The following PCDH7 variants were observed in gnomAD, a reference collection of about 807,000 sequenced individuals.
The protein encoded by PCDH7 is protocadherin-7.
A neutral mutation model predicts 58.9 loss-of-function variants in PCDH7; 17 were observed. That is an observed-to-expected ratio of 0.29 (90% confidence interval 0.20 to 0.43). The LOEUF (loss-of-function observed/expected upper bound fraction) is 0.43, where lower values mean the gene tolerates loss of function less well. Ranked by LOEUF, PCDH7 falls within the 20% of genes least tolerant of loss-of-function variation. The pLI is 1.00. For missense variants in PCDH7, 1,274 were observed against 1,441.0 expected (o/e 0.88, Z 1.88); for synonymous variants, 664 against 616.4 (o/e 1.08, Z -1.14).
chr4:30,844,810 AC>A (rs1306519554), intron 1 of PCDH7, among the ~76,000 whole-genome samples: 1 of 152,096 alleles, frequency 6.6e-6, no homozygotes, highest in African/African-American at 2.4e-5. Context: ...CTAAGGTTTA[AC>A]CCTTCTAATT....
At chr4:31,099,916 C>T (rs1328620868) in intron 3 of PCDH7, among the ~76,000 whole-genome samples, 2 of 146,660 alleles carry the variant, frequency 1.4e-5, no homozygotes, top group Non-Finnish European at 3.0e-5. Flanking sequence ...GTGATCTTTA[C>T]ATTAAAAGCA....
chr4:31,022,400 C>T (rs959263207), intron 3 of PCDH7, among the ~76,000 whole-genome samples: 2 of 152,076 alleles, frequency 1.3e-5, no homozygotes, highest in African/African-American at 2.4e-5. Flanking sequence ...TTTTATTGTA[C>T]ATAATTTTGC....
intron 3 of PCDH7, among the ~76,000 whole-genome samples, chr4:31,140,594 C>A (rs1578903989): frequency 2.2e-5 from 3 of 136,804 alleles, no homozygotes; most frequent in Non-Finnish European, 3.1e-5. Flanking sequence ...CTGTTCAAAG[C>A]ATTTAGGTCA....
At position 31,082,936 on chromosome 4, in the gene PCDH7, G is replaced by A. The variant is rs557982195; in HGVS notation, c.*8-59537G>A. Among the ~76,000 whole-genome samples the A allele has an allele frequency of 3.7e-3, 557 of 152,076 alleles. 4 individuals are homozygous for A. Among genetic ancestry groups the A allele is most frequent in the Non-Finnish European group, 5.8e-3 (391 of 67,984 alleles). Reference sequence around the variant, plus strand: ...ATCCTGGCTAACATGGTGAAACCCCGTCTCTACTAAAAATACAAAAAATTA... The same window carrying A: ...ATCCTGGCTAACATGGTGAAACCCCATCTCTACTAAAAATACAAAAAATTA... On this transcript the variant is annotated intron_variant, in intron 3 of 3. Transcript: ENST00000509759.
intron 1 of PCDH7, among the ~76,000 whole-genome samples, chr4:30,750,325 C>A (rs533062442): frequency 6.6e-6 from 1 of 152,216 alleles, no homozygotes; most frequent in Admixed American, 6.5e-5. Context: ...ATTGGCTTAA[C>A]CTTGCTATAA....
intron 3 of PCDH7, among the ~76,000 whole-genome samples, chr4:31,004,634 C>A (rs1254733034): frequency 6.6e-6 from 1 of 151,954 alleles, no homozygotes; most frequent in Non-Finnish European, 1.5e-5. Flanking sequence ...TGCAGTGAGC[C>A]GAGATCCCGA....
chr4:30,728,624 C>T (rs992738385), intron 1 of PCDH7, among the ~76,000 whole-genome samples: 5 of 151,480 alleles, frequency 3.3e-5, no homozygotes, highest in African/African-American at 4.8e-5. Flanking sequence ...TGATTTGATC[C>T]GCAATGAATT....
chr4:31,039,721 TG>T, intron 3 of PCDH7, among the ~76,000 whole-genome samples: 1 of 152,340 alleles, frequency 6.6e-6, no homozygotes, highest in South Asian at 2.1e-4. Flanking sequence ...GGAAGACTTA[TG>T]TTTTTTCTAA....
intron 3 of PCDH7, among the ~76,000 whole-genome samples, chr4:30,999,345 A>C (rs1752160058): frequency 6.6e-6 from 1 of 152,174 alleles, no homozygotes; most frequent in Admixed American, 6.6e-5. Flanking sequence ...AACACTTAAT[A>C]GATGGTAGGC....
At position 30,803,013 on chromosome 4, in the gene PCDH7, A is replaced by G. The variant is rs137998299; in HGVS notation, c.70+78417A>G. Among the ~76,000 whole-genome samples the G allele has an allele frequency of 2.5e-3, 374 of 152,252 alleles. 1 individual carries two copies. Among genetic ancestry groups the G allele is most frequent in the African/African-American group, 8.6e-3 (357 of 41,548 alleles). ...AGGGAAGAAATCAATTGCACCCATG[A>G]AAGTGTGTTGAAAATGGTTTATCAG... On this transcript the variant is annotated intron_variant, in intron 1 of 3. Coordinates refer to the PCDH7 transcript ENST00000509759.
chr4:31,025,870 T>C (rs1461201445), intron 3 of PCDH7, among the ~76,000 whole-genome samples: 1 of 152,224 alleles, frequency 6.6e-6, no homozygotes, highest in Non-Finnish European at 1.5e-5. Context: ...ACCCTTTCTC[T>C]ATTAAAATCT....
intron 3 of PCDH7, among the ~76,000 whole-genome samples, chr4:30,962,182 C>G (rs547884471): frequency 1.3e-5 from 2 of 152,046 alleles, no homozygotes; most frequent in Non-Finnish European, 2.9e-5. Context: ...CTATGAAAGA[C>G]CATTAAGGTC....
intron 1 of PCDH7, among the ~76,000 whole-genome samples, chr4:30,820,622 G>A (rs1413848514): frequency 6.6e-6 from 1 of 151,544 alleles, no homozygotes; most frequent in Non-Finnish European, 1.5e-5. Flanking sequence ...TTTTTTTTAA[G>A]GAATGAAGAA....
intron 3 of PCDH7, among the ~76,000 whole-genome samples, chr4:30,985,271 T>C (rs764969350): frequency 1.6e-4 from 24 of 152,202 alleles, no homozygotes; most frequent in Non-Finnish European, 3.2e-4. Flanking sequence ...TATTTCATCA[T>C]GCTTAGAAAC....
At chr4:30,741,335 TG>T (rs1328246869) in intron 1 of PCDH7, among the ~76,000 whole-genome samples, 1 of 150,642 alleles carries the variant, frequency 6.6e-6, no homozygotes, top group Non-Finnish European at 1.5e-5. Context: ...GTGCTACAAG[TG>T]TGTGCCACCA....
intron 1 of PCDH7, among the ~76,000 whole-genome samples, chr4:30,797,070 C>T (rs982757524): frequency 3.4e-4 from 51 of 151,926 alleles, no homozygotes; most frequent in Non-Finnish European, 5.1e-4. Context: ...AAGCAATTCT[C>T]GTGCTTCAGC....
intron 1 of PCDH7, among the ~76,000 whole-genome samples, chr4:30,845,394 A>T (rs748336529): frequency 1.3e-5 from 2 of 152,298 alleles, no homozygotes; most frequent in African/African-American, 2.4e-5. Context: ...ATGCATTTAT[A>T]TGTTTTAACT....
intron 1 of PCDH7, among the ~76,000 whole-genome samples, chr4:30,811,197 T>A (rs112914266): frequency 1.8e-4 from 28 of 152,290 alleles, no homozygotes; most frequent in African/African-American, 6.0e-4. Context: ...GAAGAATATT[T>A]CCTCTGGGAT....
At position 30,951,093 on chromosome 4, in the gene PCDH7, C is replaced by T. The variant is rs1016519116; in HGVS notation, c.*7+878C>T. Among the ~76,000 whole-genome samples, 12 of 152,124 alleles carry T rather than the reference C, an allele frequency of 7.9e-5. No homozygotes were observed. In the South Asian group the frequency reaches 1.4e-3, roughly 18 times the overall value. Reference sequence around the variant, plus strand: ...TTCTTTGAGACACATGACTAAAATGCTACCTTTGGGCTAGGAAGATTCCTG... The same window carrying T: ...TTCTTTGAGACACATGACTAAAATGTTACCTTTGGGCTAGGAAGATTCCTG... On this transcript the variant is annotated intron_variant, in intron 3 of 3. Coordinates refer to the PCDH7 transcript ENST00000509759.
Sources: gnomAD v4.1 joint callset for allele counts (sites outside exome capture counted in the v4.1 genomes callset) on GRCh38, gnomAD v4.1.1 for gene constraint, MANE v1.5 for transcripts, NCBI Gene and HGNC (gene_info 2026-07-23, HGNC 2026-07-21) for gene names.